Variants in RTTN observed in about 807,000 individuals in gnomAD.
The protein encoded by RTTN is rotatin.
Under a neutral mutation model 269.2 loss-of-function variants are expected in RTTN, and 182 were observed. That is an observed-to-expected ratio of 0.68 (90% CI 0.60 to 0.76). RTTN has a LOEUF of 0.76. RTTN is among the 30% of genes least tolerant of loss of function. The pLI is 0.00. For missense variants in RTTN, 2,545 were observed against 2,608.6 expected (o/e 0.98, Z 0.53); for synonymous variants, 1,006 against 963.5 (o/e 1.04, Z -0.82).
intron 34 of RTTN, among the ~76,000 whole-genome samples, chr18:70,069,889 CT>C (rs1157283263): frequency 3.3e-5 from 5 of 152,248 alleles, no homozygotes; most frequent in Admixed American, 3.3e-4. Context: ...TGAAGGGTTT[CT>C]AAGAGATTCT....
intron 32 of RTTN, among the ~76,000 whole-genome samples, chr18:70,081,168 T>C (rs2058557692): frequency 6.6e-6 from 1 of 152,020 alleles, no homozygotes; most frequent in Non-Finnish European, 1.5e-5. Flanking sequence ...TTTGGGGACT[T>C]GAGGGAAAAG....
intron 44 of RTTN, among the ~76,000 whole-genome samples, chr18:70,022,155 C>T (rs2056724489): frequency 6.6e-6 from 1 of 152,138 alleles, no homozygotes; most frequent in Non-Finnish European, 1.5e-5. Flanking sequence ...TGTTTACTTT[C>T]CTTCCTCTAA....
chr18:70,104,352 G>A (rs1390953573), intron 28 of RTTN, among the ~76,000 whole-genome samples: 1 of 152,074 alleles, frequency 6.6e-6, no homozygotes, highest in African/African-American at 2.4e-5. Flanking sequence ...GTCATTTAAG[G>A]TCTTCTCTAT....
intron 23 of RTTN, chr18:70,131,446 G>A (rs2059996815): frequency 6.6e-6 from 1 of 151,248 alleles, no homozygotes. Context: ...CATTGTCTGG[G>A]ATGTGGTAAA....
intron 8 of RTTN, among the ~76,000 whole-genome samples, chr18:70,191,907 A>G (rs1467162903): frequency 6.6e-6 from 1 of 152,188 alleles, no homozygotes; most frequent in Non-Finnish European, 1.5e-5. Context: ...CATGAAGCAC[A>G]CAAGAGAATG....
chr18:70,004,867 GT>G (rs869073763), intron 48 of RTTN, among the ~76,000 whole-genome samples: 1 of 43,400 alleles, frequency 2.3e-5, no homozygotes, highest in Non-Finnish European at 3.3e-4. Context: ...GCTCCCTGAT[GT>G]TAGATCCAGG....
At chr18:70,056,455 A>G (rs1050709770) in intron 37 of RTTN, among the ~76,000 whole-genome samples, 1 of 152,198 alleles carries the variant, frequency 6.6e-6, no homozygotes, top group Non-Finnish European at 1.5e-5. Context: ...ACAAAAACAA[A>G]TGCCCATAAA....
chr18:70,134,624 G>A lies in RTTN; in HGVS notation c.2886-83C>T, dbSNP rs555784742. On this transcript the variant is annotated intron_variant, in intron 22 of 48. Coordinates refer to ENST00000640769, the MANE Select transcript of RTTN (RefSeq NM_173630.4). ...TAACAAATACAACTTACCTCACTTCGTTGACTGCAAATGAAATCAAGCAGT... is the reference window on the plus strand; with the variant it reads ...TAACAAATACAACTTACCTCACTTCATTGACTGCAAATGAAATCAAGCAGT... The A allele has an allele frequency of 1.4e-5, 12 of 865,292 alleles. No homozygotes were observed. The East Asian group carries it at 1.8e-4, about 13-fold the overall frequency. The allele number at this position is 865,292 out of a possible 1,614,324, so 53.6% of individuals were successfully genotyped here.
At chr18:70,130,196 G>C (rs1317622760) in intron 23 of RTTN, 2 of 151,830 alleles carry the variant, frequency 1.3e-5, no homozygotes, top group Non-Finnish European at 2.9e-5. Flanking sequence ...TAAATTAGTA[G>C]AGTCATTATT....
At chr18:70,098,971 C>T (rs1271815447) in intron 28 of RTTN, among the ~76,000 whole-genome samples, 1 of 152,182 alleles carries the variant, frequency 6.6e-6, no homozygotes, top group Non-Finnish European at 1.5e-5. Flanking sequence ...AGGACATGAA[C>T]TCATCCTATT....
At chr18:70,116,323 G>T (rs1010475101) in intron 26 of RTTN, among the ~76,000 whole-genome samples, 1 of 151,956 alleles carries the variant, frequency 6.6e-6, no homozygotes, top group Non-Finnish European at 1.5e-5. Context: ...ATTAATACAT[G>T]AATATACTGA....
chr18:70,078,482 G>T (rs960899492), intron 32 of RTTN, among the ~76,000 whole-genome samples: 1 of 151,810 alleles, frequency 6.6e-6, no homozygotes. Flanking sequence ...CATGAGACAT[G>T]ATATGGACCC....
At position 70,087,974 on chromosome 18, in the gene RTTN, A is replaced by G. The variant is rs369510503; in HGVS notation, c.4302+15T>C. The G allele has an allele frequency of 2.2e-5, 35 of 1,609,332 alleles. No individual in the cohort carries two copies. The highest frequency in any genetic ancestry group is 2.8e-5 in the Non-Finnish European group (33 of 1,178,062). Reference sequence around the variant, plus strand: ...AAGAATTTCTAAGGAAAAAAAGGAGAAAAGACAGACATACCTCCCGGCGCA... The same window carrying G: ...AAGAATTTCTAAGGAAAAAAAGGAGGAAAGACAGACATACCTCCCGGCGCA... On this transcript the variant is annotated intron_variant, in intron 31 of 48. Coordinates refer to ENST00000640769, the MANE Select transcript of RTTN (RefSeq NM_173630.4).
chr18:70,202,928 C>A (rs1357423464), intron 3 of RTTN, among the ~76,000 whole-genome samples: 1 of 151,426 alleles, frequency 6.6e-6, no homozygotes, highest in Middle Eastern at 3.4e-3. Context: ...ACAGTACTGG[C>A]AGAGAAGAAA....
chr18:70,189,009 G>A (rs1316027493), intron 9 of RTTN, among the ~76,000 whole-genome samples: 4 of 152,184 alleles, frequency 2.6e-5, no homozygotes, highest in African/African-American at 9.7e-5. Flanking sequence ...TACAAATCAT[G>A]CCATAATTTA....
chr18:70,087,891 C>A, intron 31 of RTTN, 98 bp downstream of exon 31: 1 of 1,217,730 alleles, frequency 8.2e-7, no homozygotes, highest in South Asian at 1.5e-5. Flanking sequence ...AGATCATGGT[C>A]AGTGGTCAGT....
chr18:70,029,602 C>T (rs1016526590), intron 42 of RTTN, among the ~76,000 whole-genome samples: 2 of 152,032 alleles, frequency 1.3e-5, no homozygotes, highest in African/African-American at 2.4e-5. Flanking sequence ...AGTGTTTGTT[C>T]ATGAGATAAT....
chr18:70,195,017 G>A (rs1343885634), intron 7 of RTTN, among the ~76,000 whole-genome samples: 1 of 151,874 alleles, frequency 6.6e-6, no homozygotes, highest in African/African-American at 2.4e-5. Flanking sequence ...TCAGAGAGAG[G>A]GGGAAAAAAA....
intron 5 of RTTN, 99 bp from the exon 6 acceptor site, chr18:70,197,837 C>G (rs975415085): frequency 2.7e-6 from 2 of 750,026 alleles, no homozygotes; most frequent in African/African-American, 3.5e-5. Context: ...TCTTTTGGGT[C>G]TCAGCTGAGA....
Sources: allele counts gnomAD v4.1 joint callset (sites outside exome capture counted in the v4.1 genomes callset), GRCh38; gene constraint gnomAD v4.1.1; transcripts MANE v1.5; gene names NCBI Gene and HGNC (gene_info 2026-07-23, HGNC 2026-07-21).